Variants in TMEM242 observed in about 807,000 individuals in gnomAD.
The protein encoded by TMEM242 is transmembrane protein 242, also known as UPF0463 transmembrane protein C6orf35.
TMEM242 carries 10 observed loss-of-function variants against 18.2 expected under a neutral mutation model. The observed-to-expected ratio is 0.55, with a 90% CI of 0.34 to 0.93. TMEM242 has a LOEUF of 0.93. TMEM242 is among the 40% of genes least tolerant of loss of function. The pLI is 0.02. For missense variants in TMEM242, 186 were observed against 175.5 expected (o/e 1.06, Z -0.34); for synonymous variants, 57 against 69.9 (o/e 0.81, Z 0.92).
intron 3 of TMEM242, among the ~76,000 whole-genome samples, chr6:157,308,895 A>C (rs1777952971): frequency 6.6e-6 from 1 of 152,248 alleles, no homozygotes; most frequent in Non-Finnish European, 1.5e-5. Context: ...CAAATATCAA[A>C]AACATTTTAA....
At chr6:157,308,627 T>A (rs1554248085) in intron 3 of TMEM242, among the ~76,000 whole-genome samples, 3 of 152,144 alleles carry the variant, frequency 2.0e-5, no homozygotes, top group Non-Finnish European at 4.4e-5. Flanking sequence ...AGCAGCAATG[T>A]CTATCAGCAG....
intron 3 of TMEM242, among the ~76,000 whole-genome samples, chr6:157,312,887 C>T (rs1554249489): frequency 8.0e-5 from 5 of 62,884 alleles, no homozygotes; most frequent in African/African-American, 2.0e-4. Context: ...CTCACCTAGC[C>T]TCATCATAGT....
At chr6:157,317,523 A>G (rs1421633577) in intron 3 of TMEM242, among the ~76,000 whole-genome samples, 2 of 152,108 alleles carry the variant, frequency 1.3e-5, no homozygotes, top group Non-Finnish European at 2.9e-5. Flanking sequence ...CTTTTCTTTC[A>G]ACCTTCACTG....
intron 3 of TMEM242, among the ~76,000 whole-genome samples, chr6:157,304,526 T>C (rs2128413614): frequency 7.3e-6 from 1 of 136,246 alleles, no homozygotes; most frequent in South Asian, 2.4e-4. Context: ...AATGAAATGG[T>C]AGAAGTGATG....
At chr6:157,312,888 T>C (rs2128416313) in intron 3 of TMEM242, among the ~76,000 whole-genome samples, 1 of 152,218 alleles carries the variant, frequency 6.6e-6, no homozygotes, top group African/African-American at 2.4e-5. Flanking sequence ...TCACCTAGCC[T>C]CATCATAGTG....
intron 3 of TMEM242, chr6:157,299,875 A>G (rs1777802794): frequency 6.2e-7 from 1 of 1,612,962 alleles, no homozygotes; most frequent in African/African-American, 1.3e-5. Flanking sequence ...CAAGTTCATC[A>G]CTCAAGCCTT....
intron 3 of TMEM242, chr6:157,300,041 G>C: frequency 1.1e-6 from 1 of 872,236 alleles, no homozygotes; most frequent in South Asian, 1.4e-5. Flanking sequence ...CATGCGCGCT[G>C]CCTGACTGGG....
intron 3 of TMEM242, among the ~76,000 whole-genome samples, chr6:157,312,213 G>A (rs62425578): frequency 8.9e-5 from 3 of 33,872 alleles, no homozygotes; most frequent in Admixed American, 2.9e-4. Flanking sequence ...CTGAGCTAGC[G>A]TCATCATAGT....
In TMEM242 at chr6:157,291,698, G is replaced by A. The variant is rs1038327922; in HGVS notation, c.*1203C>T. On this transcript the variant is annotated 3_prime_UTR_variant, in exon 4 of 4. Coordinates refer to ENST00000400788, the MANE Select transcript of TMEM242 (RefSeq NM_018452.6). ...AATTTTAACAGGGTAACATGGTCTA[G>A]AGAAAAGTATTACATTAAGTTCTTG... 1 of 152,164 alleles carries A rather than the reference G, an allele frequency of 6.6e-6. No homozygotes were observed. Among genetic ancestry groups the A allele is most frequent in the Non-Finnish European group, 1.5e-5 (1 of 68,024 alleles). 9.4% of individuals were successfully genotyped at this position (152,164 alleles called of 1,614,324 possible). A position where few individuals can be genotyped will look rare whatever the true frequency, so the allele number is the denominator to read the frequency against.
Position 157,322,787 on chromosome 6 carries a change from G to A in TMEM242, c.107C>T (p.Thr36Ile). ...AGCTAGCATTCCCGCTGCAGCAACGGTACCAAGGAAAATTCCACCTGCCAA... is the reference window on the plus strand; with the variant it reads ...AGCTAGCATTCCCGCTGCAGCAACGATACCAAGGAAAATTCCACCTGCCAA... ...FLVKGGIFLG[T>I]VAAAGMLAGF... is the part of the protein sequence containing the mutation. Residue 36 changes from threonine (T) to isoleucine (I), a missense_variant, in exon 2 of 4, where the codon ACC becomes ATC. By Grantham distance (89) the Thr-to-Ile change is moderately conservative. Coordinates refer to ENST00000400788, the MANE Select transcript of TMEM242 (RefSeq NM_018452.6). The A allele has an allele frequency of 6.2e-7, 1 of 1,613,594 alleles. No individual in the cohort carries two copies. The highest frequency in any genetic ancestry group is 8.5e-7 in the Non-Finnish European group (1 of 1,179,850).
At chr6:157,299,387 C>A (rs1777795243) in intron 3 of TMEM242, 1 of 1,207,206 alleles carries the variant, frequency 8.3e-7, no homozygotes, top group Non-Finnish European at 1.2e-6. Context: ...CAAAGCGACA[C>A]CAGCTATGTT....
chr6:157,306,390 T>C (rs1424983827), intron 3 of TMEM242, among the ~76,000 whole-genome samples: 1 of 152,186 alleles, frequency 6.6e-6, no homozygotes, highest in Non-Finnish European at 1.5e-5. Context: ...CAAGATGTGG[T>C]GACTGATTAG....
At chr6:157,312,160 C>A (rs1778159815) in intron 3 of TMEM242, among the ~76,000 whole-genome samples, 1 of 150,658 alleles carries the variant, frequency 6.6e-6, no homozygotes, top group Non-Finnish European at 1.5e-5. Context: ...CATAGTGTCC[C>A]AGTGTGCACT....
chr6:157,311,229 C>G (rs1554248669), intron 3 of TMEM242, among the ~76,000 whole-genome samples: 5 of 108,582 alleles, frequency 4.6e-5, no homozygotes, highest in Non-Finnish European at 1.0e-4. Flanking sequence ...CACCTAGCCT[C>G]ATCATAGTGT....
At chr6:157,309,728 CA>C (rs1777966883) in intron 3 of TMEM242, among the ~76,000 whole-genome samples, 1 of 151,434 alleles carries the variant, frequency 6.6e-6, no homozygotes, top group South Asian at 2.1e-4. Context: ...GGTAAAAAAA[CA>C]AATCAAAAAC....
At chr6:157,310,449 C>A in intron 3 of TMEM242, among the ~76,000 whole-genome samples, 2 of 105,982 alleles carry the variant, frequency 1.9e-5, no homozygotes, top group South Asian at 5.6e-4. Flanking sequence ...TGTGCACTCA[C>A]CTAGCCTCAT....
At chr6:157,316,350 AT>A (rs1778390382) in intron 3 of TMEM242, among the ~76,000 whole-genome samples, 1 of 152,222 alleles carries the variant, frequency 6.6e-6, no homozygotes, top group African/African-American at 2.4e-5. Context: ...CATTTATAAA[AT>A]GGGGGATATT....
chr6:157,309,173 A>C (rs781964888), intron 3 of TMEM242, among the ~76,000 whole-genome samples: 10 of 152,082 alleles, frequency 6.6e-5, no homozygotes, highest in Non-Finnish European at 1.5e-4. Context: ...TTTCTATACA[A>C]CTCTATGAAT....
chr6:157,312,589 A>AGT (rs1778201119), intron 3 of TMEM242, among the ~76,000 whole-genome samples: 325 of 150,538 alleles, frequency 2.2e-3, no homozygotes, highest in Non-Finnish European at 3.5e-3. Context: ...GCCTCATCAT[A>AGT]GTGCCGCAGT....
Sources: gnomAD v4.1 joint callset for allele counts (sites outside exome capture counted in the v4.1 genomes callset) on GRCh38, gnomAD v4.1.1 for gene constraint, MANE v1.5 for transcripts, NCBI Gene and HGNC (gene_info 2026-07-23, HGNC 2026-07-21) for gene names.